Variants in AFAP1 observed in about 807,000 individuals in gnomAD.
AFAP1 encodes the protein actin filament associated protein 1.
A neutral mutation model predicts 93.9 loss-of-function variants in AFAP1; 75 were observed. The observed-to-expected ratio is 0.80, with a 90% confidence interval of 0.66 to 0.97. The LOEUF is 0.97. AFAP1 is among the 50% of genes least tolerant of loss of function. AFAP1 has a pLI of 0.00. For synonymous variants in AFAP1, 517 were observed against 430.7 expected (o/e 1.20, Z -2.48); for missense variants, 1,201 against 1,050.8 (o/e 1.14, Z -1.98).
At chr4:7,826,302 T>TCCCCA (rs1211431327) in intron 6 of AFAP1, among the ~76,000 whole-genome samples, 2 of 151,766 alleles carry the variant, frequency 1.3e-5, no homozygotes, top group African/African-American at 2.4e-5. Flanking sequence ...GTTTGGAGAG[T>TCCCCA]CCCCACCCCA....
At chr4:7,860,937 C>A (rs138488695) in intron 3 of AFAP1, among the ~76,000 whole-genome samples, 1 of 152,204 alleles carries the variant, frequency 6.6e-6, no homozygotes, top group Non-Finnish European at 1.5e-5. Context: ...TCGCTCGCCT[C>A]GCCTCGTGGC....
At chr4:7,917,561 A>C (rs998927522) in intron 1 of AFAP1, among the ~76,000 whole-genome samples, 1 of 152,188 alleles carries the variant, frequency 6.6e-6, no homozygotes, top group African/African-American at 2.4e-5. Context: ...TGGAGAAACA[A>C]GCAGATGCAT....
chr4:7,784,828 T>C (rs1717116659), intron 12 of AFAP1, among the ~76,000 whole-genome samples: 1 of 152,158 alleles, frequency 6.6e-6, no homozygotes, highest in African/African-American at 2.4e-5. Context: ...AAGGAGGCTG[T>C]TGTCTCTTGG....
At chr4:7,919,334 G>A (rs916559960) in intron 1 of AFAP1, among the ~76,000 whole-genome samples, 1 of 152,256 alleles carries the variant, frequency 6.6e-6, no homozygotes, top group Non-Finnish European at 1.5e-5. Context: ...CAGAGCTTCA[G>A]TCAGCGTCTG....
At chr4:7,874,898 GAATA>G (rs946764143) in intron 1 of AFAP1, among the ~76,000 whole-genome samples, 1 of 151,888 alleles carries the variant, frequency 6.6e-6, no homozygotes, top group African/African-American at 2.4e-5. Context: ...ATATTTTAAT[GAATA>G]AATATCTTCA....
intron 4 of AFAP1, among the ~76,000 whole-genome samples, chr4:7,844,675 G>A (rs1260645907): frequency 2.0e-5 from 3 of 152,180 alleles, no homozygotes; most frequent in Admixed American, 6.5e-5. Context: ...AGAAGGAAGC[G>A]CGTTAAATGT....
chr4:7,817,018 G>A (rs1340061403), intron 7 of AFAP1, among the ~76,000 whole-genome samples: 1 of 152,322 alleles, frequency 6.6e-6, no homozygotes, highest in East Asian at 1.9e-4. Context: ...GTCCAGCCAG[G>A]TGCTCACGGT....
intron 9 of AFAP1, among the ~76,000 whole-genome samples, chr4:7,808,617 C>T (rs371515771): frequency 2.0e-5 from 3 of 152,130 alleles, no homozygotes; most frequent in East Asian, 1.9e-4. Context: ...GAAATTGGTT[C>T]GGTCATTGGT....
At chr4:7,892,301 A>T (rs1018033934) in intron 1 of AFAP1, among the ~76,000 whole-genome samples, 2 of 152,194 alleles carry the variant, frequency 1.3e-5, no homozygotes, top group Non-Finnish European at 2.9e-5. Flanking sequence ...GCCAGCTGCC[A>T]ACTGCCCCAT....
intron 10 of AFAP1, among the ~76,000 whole-genome samples, chr4:7,794,814 C>A (rs1379275547): frequency 6.6e-6 from 1 of 152,178 alleles, no homozygotes; most frequent in African/African-American, 2.4e-5. Context: ...TTGTGAGCCA[C>A]CATGCCCAGC....
chr4:7,793,970 G>A (rs574969228), intron 10 of AFAP1, 144 bp from the exon 11 acceptor site: 11 of 935,596 alleles, frequency 1.2e-5, no homozygotes, highest in African/African-American at 3.3e-5. Flanking sequence ...ATGGCTGAGC[G>A]ATGGGATTAA....
chr4:7,844,687 TTTAAA>T (rs540967453), intron 4 of AFAP1, among the ~76,000 whole-genome samples: 8 of 152,354 alleles, frequency 5.3e-5, no homozygotes, highest in African/African-American at 1.9e-4. Context: ...GTTAAATGTC[TTTAAA>T]TTAAACTGGC....
intron 5 of AFAP1, 101 bp downstream of exon 5, chr4:7,843,037 GC>G: frequency 2.3e-6 from 3 of 1,327,714 alleles, no homozygotes; most frequent in African/African-American, 1.5e-5. Flanking sequence ...CCTGAGTGCT[GC>G]CCTTCCTGCA....
intron 1 of AFAP1, among the ~76,000 whole-genome samples, chr4:7,880,567 C>A (rs1388704592): frequency 6.6e-6 from 1 of 152,172 alleles, no homozygotes; most frequent in East Asian, 1.9e-4. Context: ...CGTGAGCCAC[C>A]GCACCCGGCC....
intron 3 of AFAP1, among the ~76,000 whole-genome samples, chr4:7,858,158 T>C (rs1235573105): frequency 6.6e-6 from 1 of 152,156 alleles, no homozygotes; most frequent in Non-Finnish European, 1.5e-5. Context: ...GAGATACTGC[T>C]GCATCAAAGA....
chr4:7,870,804 C>G (rs932031245), intron 2 of AFAP1, among the ~76,000 whole-genome samples: 7 of 152,190 alleles, frequency 4.6e-5, no homozygotes, highest in African/African-American at 1.7e-4. Context: ...GCCCATCTTC[C>G]AGACTGGCCA....
chr4:7,765,478 C>G (rs765902509), intron 17 of AFAP1, among the ~76,000 whole-genome samples: 1 of 152,230 alleles, frequency 6.6e-6, no homozygotes, highest in Admixed American at 6.5e-5. Flanking sequence ...CTGGACAGCG[C>G]CCTCCGTGCT....
intron 7 of AFAP1, 76 bp from the exon 8 acceptor site, chr4:7,816,175 G>A (rs1316241949): frequency 8.0e-7 from 1 of 1,255,504 alleles, no homozygotes; most frequent in Middle Eastern, 1.9e-4. Context: ...TCAACCAAAA[G>A]TTATCTCAAA....
intron 1 of AFAP1, among the ~76,000 whole-genome samples, chr4:7,892,611 T>C (rs559063087): frequency 6.6e-6 from 1 of 152,338 alleles, no homozygotes; most frequent in East Asian, 1.9e-4. Flanking sequence ...CTCTCAGCCA[T>C]GATTTAAATA....
Sources: gnomAD v4.1 joint callset for allele counts (sites outside exome capture counted in the v4.1 genomes callset) on GRCh38, gnomAD v4.1.1 for gene constraint, MANE v1.5 for transcripts, NCBI Gene and HGNC (gene_info 2026-07-23, HGNC 2026-07-21) for gene names.